The following PDE4D variants were observed in gnomAD, a reference collection of about 807,000 sequenced individuals.
PDE4D encodes phosphodiesterase 4D, also known as 3',5'-cyclic-AMP phosphodiesterase 4D.
Under a neutral mutation model 87.4 loss-of-function variants are expected in PDE4D, and 24 were observed. That is an observed-to-expected ratio of 0.27 (90% CI 0.20 to 0.39). The LOEUF is 0.39. PDE4D is among the 10% of genes least tolerant of loss of function. The pLI, the probability that PDE4D is intolerant of heterozygous loss-of-function variation, is 1.00. For synonymous variants in PDE4D, 384 were observed against 383.2 expected, an observed-to-expected ratio of 1.00 and a Z score of -0.02; for missense variants, 714 against 1,041.0, an observed-to-expected ratio of 0.69 and a Z score of 4.32.
intron 1 of PDE4D, among the ~76,000 whole-genome samples, chr5:59,432,125 A>G (rs961147150): frequency 1.3e-5 from 2 of 152,086 alleles, no homozygotes; most frequent in African/African-American, 2.4e-5. Context: ...CCTTGGTAGG[A>G]TTAATGGGAG....
intron 3 of PDE4D, among the ~76,000 whole-genome samples, chr5:59,959,202 G>A (rs1404166554): frequency 6.6e-6 from 1 of 151,796 alleles, no homozygotes; most frequent in Non-Finnish European, 1.5e-5. Flanking sequence ...TGAAATAAAT[G>A]ACACATGATA....
At chr5:59,696,277 G>C (rs1316665590) in intron 1 of PDE4D, among the ~76,000 whole-genome samples, 5 of 152,152 alleles carry the variant, frequency 3.3e-5, no homozygotes, top group Non-Finnish European at 7.3e-5. Flanking sequence ...CAGAGTCTTA[G>C]TGTATAACTG....
intron 3 of PDE4D, among the ~76,000 whole-genome samples, chr5:59,981,950 C>A (rs1761972341): frequency 6.6e-6 from 1 of 152,042 alleles, no homozygotes; most frequent in Non-Finnish European, 1.5e-5. Flanking sequence ...CTCAAGAGCA[C>A]AAGATGAAGA....
At chr5:59,596,267 C>A (rs1382330142) in intron 1 of PDE4D, among the ~76,000 whole-genome samples, 1 of 148,780 alleles carries the variant, frequency 6.7e-6, no homozygotes, top group Non-Finnish European at 1.5e-5. Flanking sequence ...TATATACAGA[C>A]ACATATATGA....
At chr5:58,999,535 AT>A in intron 6 of PDE4D, 4 of 1,514,550 alleles carry the variant, frequency 2.6e-6, no homozygotes, top group Admixed American at 1.8e-5. Context: ...TGCTTCAGGC[AT>A]TTTTGATTGA....
intron 2 of PDE4D, among the ~76,000 whole-genome samples, chr5:60,040,597 C>G (rs1002574536): frequency 1.2e-4 from 19 of 152,024 alleles, no homozygotes; most frequent in African/African-American, 4.6e-4. Flanking sequence ...TGTTCTTAAC[C>G]ATTTAAATTA....
At chr5:60,325,460 T>C (rs1460349542) in intron 1 of PDE4D, among the ~76,000 whole-genome samples, 4 of 152,184 alleles carry the variant, frequency 2.6e-5, no homozygotes, top group African/African-American at 4.8e-5. Flanking sequence ...ATGATTGATA[T>C]TGTCCTTAAT....
At chr5:60,058,588 T>A (rs1771036225) in intron 2 of PDE4D, among the ~76,000 whole-genome samples, 1 of 151,922 alleles carries the variant, frequency 6.6e-6, no homozygotes. Flanking sequence ...GAAGAGAAGA[T>A]GAAATAAACT....
chr5:60,263,783 T>G (rs1000154634), intron 1 of PDE4D, among the ~76,000 whole-genome samples: 10 of 152,008 alleles, frequency 6.6e-5, no homozygotes, highest in Admixed American at 3.9e-4. Flanking sequence ...AAACACCTAT[T>G]ATGAGCAGAG....
intron 1 of PDE4D, among the ~76,000 whole-genome samples, chr5:59,570,911 T>C (rs1039046333): frequency 1.3e-5 from 2 of 152,176 alleles, no homozygotes; most frequent in African/African-American, 4.8e-5. Flanking sequence ...TTGAATAAAT[T>C]AGCAAAGCAA....
At chr5:59,405,333 G>T (rs576773509) in intron 1 of PDE4D, among the ~76,000 whole-genome samples, 1 of 151,988 alleles carries the variant, frequency 6.6e-6, no homozygotes, top group East Asian at 1.9e-4. Flanking sequence ...TTTATTTGTA[G>T]CTATTATAAA....
chr5:60,357,386 T>C (rs919404137), intron 1 of PDE4D, among the ~76,000 whole-genome samples: 19 of 149,920 alleles, frequency 1.3e-4, no homozygotes, highest in African/African-American at 4.7e-4. Flanking sequence ...GAGTTGTCTT[T>C]GTAAAAAAAA....
At chr5:59,388,179 T>C (rs1021476377) in intron 1 of PDE4D, among the ~76,000 whole-genome samples, 1 of 151,864 alleles carries the variant, frequency 6.6e-6, no homozygotes, top group Non-Finnish European at 1.5e-5. Flanking sequence ...ATAACTTGAT[T>C]AAAAAACAAG....
intron 1 of PDE4D, among the ~76,000 whole-genome samples, chr5:59,312,194 A>T (rs1041894639): frequency 2.0e-5 from 3 of 152,184 alleles, no homozygotes; most frequent in Non-Finnish European, 4.4e-5. Flanking sequence ...GGAAAAACCT[A>T]AAAAAGTTCT....
chr5:59,565,739 T>C (rs1820775511), intron 1 of PDE4D, among the ~76,000 whole-genome samples: 2 of 152,204 alleles, frequency 1.3e-5, no homozygotes, highest in Admixed American at 1.3e-4. Context: ...CTCAGGATGA[T>C]TACAGCTTCA....
At chr5:59,452,171 A>C (rs184361823) in intron 1 of PDE4D, among the ~76,000 whole-genome samples, 1 of 152,122 alleles carries the variant, frequency 6.6e-6, no homozygotes, top group Non-Finnish European at 1.5e-5. Flanking sequence ...GACACTTCTG[A>C]TCTAGAATAT....
At chr5:60,343,699 T>A (rs917994121) in intron 1 of PDE4D, among the ~76,000 whole-genome samples, 4 of 151,924 alleles carry the variant, frequency 2.6e-5, no homozygotes, top group Admixed American at 2.0e-4. Flanking sequence ...AAGATATTTC[T>A]CTCCTCTCTC....
intron 1 of PDE4D, among the ~76,000 whole-genome samples, chr5:59,277,395 T>G (rs984953949): frequency 1.3e-5 from 2 of 152,178 alleles, no homozygotes; most frequent in African/African-American, 4.8e-5. Context: ...CCATGTCTAG[T>G]ATATTGCTGG....
chr5:59,390,530 G>A (rs987971994), intron 1 of PDE4D, among the ~76,000 whole-genome samples: 2 of 152,094 alleles, frequency 1.3e-5, no homozygotes, highest in African/African-American at 4.8e-5. Context: ...AGAAACAAAA[G>A]GTGTTAAAGT....
Sources: gnomAD v4.1 joint callset for allele counts (sites outside exome capture counted in the v4.1 genomes callset) on GRCh38, gnomAD v4.1.1 for gene constraint, MANE v1.5 for transcripts, NCBI Gene and HGNC (gene_info 2026-07-23, HGNC 2026-07-21) for gene names.